ACSBG1: variants seen among roughly 807,000 people sequenced by gnomAD.
ACSBG1 encodes the protein long-chain-fatty-acid--CoA ligase ACSBG1.
In ACSBG1, 39 loss-of-function variants were observed where a neutral mutation model predicts 80.2. That is an observed-to-expected ratio of 0.49 (90% CI 0.38 to 0.64). The LOEUF (loss-of-function observed/expected upper bound fraction) is 0.64. Among genes scored for constraint, ACSBG1 ranks in the 30% least tolerant of loss-of-function variants. ACSBG1 has a pLI of 0.00. For missense variants in ACSBG1, 828 were observed against 966.4 expected (o/e 0.86, Z 1.90); for synonymous variants, 392 against 379.5 (o/e 1.03, Z -0.38).
chr15:78,183,078 A>G lies in ACSBG1; in HGVS notation c.664-293T>C, dbSNP rs181532803. Among the ~76,000 whole-genome samples, 14 of 152,354 alleles carry G rather than the reference A, an allele frequency of 9.2e-5. No homozygotes were observed. In the East Asian group the frequency reaches 2.3e-3, roughly 25 times the overall value. On this transcript the variant is annotated intron_variant, in intron 5 of 13. Coordinates refer to ENST00000258873, the MANE Select transcript of ACSBG1 (RefSeq NM_015162.5). ...CCATGATCCAGCCACACAATGGAGT[A>G]GTGCTATGTGACTGTAGGAGAAAGA...
chr15:78,172,747 T>A lies in ACSBG1; in HGVS notation c.2089+846A>T, dbSNP rs2074838578. ...GAGGGAATCACACTGGCATAACCAT[T>A]TCTACCTCTCCTGTTCTATGAACAT... On this transcript the variant is annotated intron_variant, in intron 13 of 13. Coordinates refer to ENST00000258873, the MANE Select transcript of ACSBG1 (RefSeq NM_015162.5). The surrounding 1 kb of genome is among the most constrained non-coding windows in gnomAD (Gnocchi z 4.1). Among the ~76,000 whole-genome samples the A allele has an allele frequency of 6.6e-6, 1 of 152,204 alleles. No homozygotes were observed. The highest frequency in any genetic ancestry group is 1.5e-5 in the Non-Finnish European group (1 of 68,030).
rs528617009 is a variant in ACSBG1, at chr15:78,178,391, C to T, written c.1702+223G>A. Among the ~76,000 whole-genome samples the T allele has an allele frequency of 1.8e-4, 27 of 152,228 alleles. No homozygotes were observed. The highest frequency in any genetic ancestry group is 6.3e-4 in the African/African-American group (26 of 41,538). On this transcript the variant is annotated intron_variant, in intron 11 of 13. Transcript: ENST00000258873. The surrounding 1 kb of genome is among the most constrained non-coding windows in gnomAD (Gnocchi z 4.3). ...TCAGCTCACTGCAACCTCTGCCTCC[C>T]GGGTTCAAGTAATTCTCGTGCCTCA...
At chr15:78,224,909 G>A (rs2141388783) in intron 1 of ACSBG1, among the ~76,000 whole-genome samples, 1 of 152,076 alleles carries the variant, frequency 6.6e-6, no homozygotes, top group South Asian at 2.1e-4. Flanking sequence ...AGAATTAAAA[G>A]GGAAAATGAC....
intron 11 of ACSBG1, 63 bp from the exon 12 acceptor site, chr15:78,174,587 A>G (rs1378528858): frequency 6.5e-7 from 1 of 1,549,508 alleles, no homozygotes. Context: ...CTGAACCACA[A>G]CCCAAGCCTC....
intron 11 of ACSBG1, 147 bp from the exon 12 acceptor site, chr15:78,174,671 CCAAAG>C: frequency 1.1e-6 from 1 of 929,594 alleles, no homozygotes; most frequent in Non-Finnish European, 1.6e-6. Flanking sequence ...GGCAGGCCCT[CCAAAG>C]CAACTCACAC....
intron 1 of ACSBG1, chr15:78,212,777 G>C (rs781565374): frequency 1.5e-5 from 5 of 334,820 alleles, no homozygotes; most frequent in Non-Finnish European, 3.0e-5. Flanking sequence ...GCTGGGCGAG[G>C]GGACAGCTGC....
At position 78,209,212 on chromosome 15, in the gene ACSBG1, C is replaced by T. The variant is rs1005249012; in HGVS notation, c.132-1110G>A. 1.3e-5 allele frequency: 6 copies of T among 456,076 alleles called. No individual in the cohort carries two copies. In the Admixed American group the frequency reaches 1.4e-4, roughly 11 times the overall value. 28.3% of individuals were successfully genotyped at this position (456,076 alleles called of 1,614,324 possible). ...TTCCGAACAAAACTAAGTTTGTGAA[C>T]ACACCTAGGCCCACCTGGCAGCCAT... On this transcript the variant is annotated intron_variant, in intron 1 of 13. Transcript: ENST00000258873.
intron 1 of ACSBG1, among the ~76,000 whole-genome samples, chr15:78,218,595 C>T (rs372367099): frequency 6.6e-6 from 1 of 152,068 alleles, no homozygotes. Flanking sequence ...GGCACTGTTC[C>T]AATTGCTTTA....
chr15:78,201,601 G>C (rs549695550), intron 2 of ACSBG1, among the ~76,000 whole-genome samples: 2 of 152,208 alleles, frequency 1.3e-5, no homozygotes, highest in Non-Finnish European at 2.9e-5. Context: ...TGAAAGAAGG[G>C]AAGACAGATG....
At chr15:78,223,263 A>G (rs551597203) in intron 1 of ACSBG1, among the ~76,000 whole-genome samples, 37 of 40,994 alleles carry the variant, frequency 9.0e-4, no homozygotes, top group African/African-American at 3.0e-3. Context: ...ACATGGACAT[A>G]GGGAGGGGCC....
intron 5 of ACSBG1, among the ~76,000 whole-genome samples, chr15:78,185,715 T>C (rs952218419): frequency 5.5e-4 from 83 of 151,822 alleles, no homozygotes; most frequent in Admixed American, 5.4e-3. Flanking sequence ...CATAACCAAA[T>C]TGCTGAAAAT....
chr15:78,181,966 G>A lies in ACSBG1; in HGVS notation c.1071+3C>T. The A allele has an allele frequency of 6.2e-7, 1 of 1,613,274 alleles. No homozygotes were observed. Among genetic ancestry groups the A allele is most frequent in the Non-Finnish European group, 8.5e-7 (1 of 1,179,560 alleles). On this transcript the variant is annotated splice_donor_region_variant and intron_variant, in intron 8 of 13. Transcript: ENST00000258873. ...GACGGACACACGGTAAAGGCAGACTGACCTTCAGGGCGTCGGGTTCGGCAA... is the reference window on the plus strand; with the variant it reads ...GACGGACACACGGTAAAGGCAGACTAACCTTCAGGGCGTCGGGTTCGGCAA...
intron 2 of ACSBG1, among the ~76,000 whole-genome samples, chr15:78,206,090 G>C (rs1025361914): frequency 3.5e-4 from 54 of 152,230 alleles, no homozygotes; most frequent in Non-Finnish European, 4.4e-5. Flanking sequence ...AGCCAGGTCT[G>C]TGGGAGCCCA....
chr15:78,222,020 ATCTC>A (rs1316461931), intron 1 of ACSBG1, among the ~76,000 whole-genome samples: 1 of 152,162 alleles, frequency 6.6e-6, no homozygotes, highest in Admixed American at 6.5e-5. Flanking sequence ...TAACAATCTG[ATCTC>A]TCTCTTTTCC....
chr15:78,207,930 C>CCCCCCCCCCCCCA, intron 2 of ACSBG1, 72 bp downstream of exon 2: 1 of 791,952 alleles, frequency 1.3e-6, no homozygotes, highest in East Asian at 3.3e-5. Flanking sequence ...CCCACACCAC[C>CCCCCCCCCCCCCA]CACCCCTCCA....
Position 78,170,416 on chromosome 15 carries a change from C to T in ACSBG1, c.*1028G>A, listed in dbSNP as rs141266356. On this transcript the variant is annotated 3_prime_UTR_variant, in exon 14 of 14. Coordinates refer to ENST00000258873, the MANE Select transcript of ACSBG1 (RefSeq NM_015162.5). ...CTGGGTCACTTTTTAAGCTTGTAAC[C>T]GCCCCCCCAGACTTATAATCTTAAA... 2.0e-5 allele frequency: 3 copies of T among 151,838 alleles called. No homozygotes were observed. Among genetic ancestry groups the T allele is most frequent in the African/African-American group, 4.8e-5 (2 of 41,378 alleles). The allele number at this position is 151,838 out of a possible 1,614,324, so 9.4% of individuals were successfully genotyped here.
intron 1 of ACSBG1, chr15:78,209,176 G>C (rs758383071): frequency 2.2e-6 from 1 of 456,076 alleles, no homozygotes; most frequent in Non-Finnish European, 4.4e-6. Flanking sequence ...ACTCCTTGTC[G>C]GCACTGCAGG....
In ACSBG1 at chr15:78,171,541, A is replaced by G. The variant is rs758124630; in HGVS notation, c.2090-12T>C. ...TTTCATCGTGGGACCTAAAAGGGAA[A>G]TGAGAAGAAATGAGTGAGGCCCAGG... On this transcript the variant is annotated splice_polypyrimidine_tract_variant and intron_variant, in intron 13 of 13. Coordinates refer to ENST00000258873, the MANE Select transcript of ACSBG1 (RefSeq NM_015162.5). 6.8e-6 allele frequency: 11 copies of G among 1,608,080 alleles called. No homozygotes were observed. The highest frequency in any genetic ancestry group is 1.1e-5 in the South Asian group (1 of 90,952).
At chr15:78,226,293 G>T (rs2075399986) in intron 1 of ACSBG1, among the ~76,000 whole-genome samples, 1 of 152,110 alleles carries the variant, frequency 6.6e-6, no homozygotes, top group Non-Finnish European at 1.5e-5. Flanking sequence ...ACTAGATCCA[G>T]CCCACGTTCT....
Sources: allele counts gnomAD v4.1 joint callset (sites outside exome capture counted in the v4.1 genomes callset), GRCh38; gene constraint gnomAD v4.1.1; non-coding constraint Gnocchi (gnomAD v3.1); transcripts MANE v1.5; gene names NCBI Gene and HGNC (gene_info 2026-07-23, HGNC 2026-07-21).